FIP1L1: variants seen among roughly 807,000 people sequenced by gnomAD.
FIP1L1 encodes factor interacting with PAPOLA and CPSF1.
Under a neutral mutation model 84.6 loss-of-function variants are expected in FIP1L1, and 21 were observed. The ratio of observed to expected loss-of-function variants is 0.25; its 90% CI spans 0.18 to 0.36. The LOEUF (loss-of-function observed/expected upper bound fraction) is 0.36. Among genes scored for constraint, FIP1L1 ranks in the 10% least tolerant of loss-of-function variants. The pLI, the probability that FIP1L1 is intolerant of heterozygous loss-of-function variation, is 1.00. For synonymous variants in FIP1L1, 263 were observed against 242.3 expected, an observed-to-expected ratio of 1.09 and a Z score of -0.80; for missense variants, 526 against 751.1, an observed-to-expected ratio of 0.70 and a Z score of 3.50.
chr4:53,420,152 C>G (rs1203978963), intron 11 of FIP1L1, among the ~76,000 whole-genome samples: 3 of 132,274 alleles, frequency 2.3e-5, no homozygotes, highest in Non-Finnish European at 1.6e-5. Flanking sequence ...GAGCTGAGAT[C>G]GCGCCACTGC....
chr4:53,412,421 G>A (rs1757640722), intron 10 of FIP1L1, among the ~76,000 whole-genome samples: 1 of 152,098 alleles, frequency 6.6e-6, no homozygotes, highest in South Asian at 2.1e-4. Flanking sequence ...ACTTAATCCA[G>A]TGTCACGCGT....
chr4:53,405,370 C>A (rs1048381828), intron 10 of FIP1L1, among the ~76,000 whole-genome samples: 3 of 152,110 alleles, frequency 2.0e-5, no homozygotes, highest in Non-Finnish European at 2.9e-5. Context: ...TGGTCTATAT[C>A]TCTGTTTTGG....
intron 13 of FIP1L1, among the ~76,000 whole-genome samples, chr4:53,436,380 A>G (rs1217283350): frequency 6.6e-6 from 1 of 152,128 alleles, no homozygotes; most frequent in Non-Finnish European, 1.5e-5. Context: ...GTTTTTTTCT[A>G]GGCTGTTGCA....
At chr4:53,455,739 G>T (rs1473464942) in intron 16 of FIP1L1, among the ~76,000 whole-genome samples, 1 of 151,966 alleles carries the variant, frequency 6.6e-6, no homozygotes, top group East Asian at 1.9e-4. Flanking sequence ...CATTTTCCGT[G>T]AACTTTTTGA....
chr4:53,408,846 C>A (rs1755370693), intron 10 of FIP1L1, among the ~76,000 whole-genome samples: 1 of 152,202 alleles, frequency 6.6e-6, no homozygotes, highest in Admixed American at 6.5e-5. Context: ...TCAGCTCTGT[C>A]AGCTCCTTTA....
chr4:53,440,547 A>C (rs1771447420), intron 13 of FIP1L1: 1 of 1,377,528 alleles, frequency 7.3e-7, no homozygotes, highest in Non-Finnish European at 1.0e-6. Flanking sequence ...TCTGAAATCC[A>C]ATTACTATAT....
At chr4:53,429,244 G>A (rs1765556530) in intron 13 of FIP1L1, among the ~76,000 whole-genome samples, 1 of 152,212 alleles carries the variant, frequency 6.6e-6, no homozygotes. Context: ...GCTTTAGAGG[G>A]TCTGTTGTCT....
At position 53,391,505 on chromosome 4, in the gene FIP1L1, T is replaced by A. The variant is rs1744230542; in HGVS notation, c.705+7T>A. 1 of 1,604,346 alleles carries A rather than the reference T, an allele frequency of 6.2e-7. No homozygotes were observed. Among genetic ancestry groups the A allele is most frequent in the Non-Finnish European group, 8.5e-7 (1 of 1,171,514 alleles). On this transcript the variant is annotated splice_region_variant and intron_variant, in intron 9 of 17. Coordinates refer to ENST00000337488, the MANE Select transcript of FIP1L1 (RefSeq NM_030917.4). ...CAGATTCAATCTTTTTAAGGTGAAT[T>A]TTAGTAAATTATCCTTGGTTGCTCT...
chr4:53,425,864 T>C lies in FIP1L1; in HGVS notation c.924-8T>C, dbSNP rs1764134514. The C allele has an allele frequency of 4.4e-6, 7 of 1,599,186 alleles. No homozygotes were observed. Among genetic ancestry groups the C allele is most frequent in the African/African-American group, 2.7e-5 (2 of 74,502 alleles). On this transcript the variant is annotated splice_polypyrimidine_tract_variant and splice_region_variant and intron_variant, in intron 11 of 17. Transcript: ENST00000337488. ...TGAAACTGAATTGATTCAATTTTTATGTTACAGGAGATTACCTGGGGCAAT... is the reference window on the plus strand; with the variant it reads ...TGAAACTGAATTGATTCAATTTTTACGTTACAGGAGATTACCTGGGGCAAT...
chr4:53,391,112 A>G lies in FIP1L1; in HGVS notation c.609A>G (p.Pro203=). The stretch of plus-strand genomic sequence containing the variant: ...TACGAATGGGACTTGAAGTTATACC[A>G]GTAACCTCTACTACAAATAAAATTA... The part of the protein sequence containing the change: ...KRIRMGLEVI[P]VTSTTNKITA... Residue 203 remains proline (P), a synonymous_variant, in exon 8 of 18, where the codon CCA becomes CCG. Transcript: ENST00000337488. 6.2e-7 allele frequency: 1 copy of G among 1,609,860 alleles called. No homozygotes were observed. Among genetic ancestry groups the G allele is most frequent in the Non-Finnish European group, 8.5e-7 (1 of 1,178,626 alleles).
At chr4:53,414,935 A>T (rs1264284139) in intron 11 of FIP1L1, among the ~76,000 whole-genome samples, 1 of 152,140 alleles carries the variant, frequency 6.6e-6, no homozygotes, top group Admixed American at 6.5e-5. Context: ...TATAATATTT[A>T]ATGAATTATA....
At chr4:53,379,574 TA>T (rs1436232710) in intron 3 of FIP1L1, among the ~76,000 whole-genome samples, 1 of 152,238 alleles carries the variant, frequency 6.6e-6, no homozygotes, top group Non-Finnish European at 1.5e-5. Context: ...AAGCTACTGA[TA>T]AAAATATTTT....
chr4:53,404,635 A>G (rs1752204736), intron 10 of FIP1L1, among the ~76,000 whole-genome samples: 1 of 151,572 alleles, frequency 6.6e-6, no homozygotes, highest in Non-Finnish European at 1.5e-5. Flanking sequence ...CCAACAGTGT[A>G]AAAGTGTTCC....
chr4:53,457,335 G>A (rs1367186192), intron 16 of FIP1L1, among the ~76,000 whole-genome samples: 1 of 152,124 alleles, frequency 6.6e-6, no homozygotes, highest in South Asian at 2.1e-4. Flanking sequence ...TACTTTTCAG[G>A]TGACATGCCT....
rs573611370 is a variant in FIP1L1 at position 53,377,936 on chromosome 4, C to T, written c.85+13C>T. ...TGGCTCTATGGCGGTACGAAACTTCCTGTCTCTGTCTCTCGGGTTCTCTCA... is the reference window on the plus strand; with the variant it reads ...TGGCTCTATGGCGGTACGAAACTTCTTGTCTCTGTCTCTCGGGTTCTCTCA... On this transcript the variant is annotated intron_variant, in intron 1 of 17. Coordinates refer to ENST00000337488, the MANE Select transcript of FIP1L1 (RefSeq NM_030917.4). The T allele has an allele frequency of 3.2e-6, 5 of 1,568,542 alleles. No homozygotes were observed. In the Admixed American group the frequency reaches 7.3e-5, roughly 23 times the overall value.
chr4:53,421,438 A>G (rs1762375758), intron 11 of FIP1L1, among the ~76,000 whole-genome samples: 1 of 152,136 alleles, frequency 6.6e-6, no homozygotes, highest in Non-Finnish European at 1.5e-5. Context: ...TCCATCTGAA[A>G]TGTTCTATCT....
At chr4:53,396,525 C>T (rs1747446419) in intron 9 of FIP1L1, among the ~76,000 whole-genome samples, 2 of 152,146 alleles carry the variant, frequency 1.3e-5, no homozygotes, top group South Asian at 4.1e-4. Flanking sequence ...CTTGCCTCAG[C>T]CTCCCGAGTA....
At chr4:53,388,587 G>A (rs541409217) in intron 5 of FIP1L1, among the ~76,000 whole-genome samples, 8 of 152,132 alleles carry the variant, frequency 5.3e-5, no homozygotes, top group Admixed American at 3.3e-4. Flanking sequence ...CACCCGCCTC[G>A]GCCTCCCAAA....
At chr4:53,442,533 C>T (rs986282403) in intron 13 of FIP1L1, 120 bp from the exon 14 acceptor site, 2 of 663,118 alleles carry the variant, frequency 3.0e-6, no homozygotes, top group African/African-American at 1.8e-5. Context: ...TCCATTATTA[C>T]AACATAGAGA....
Sources: allele counts gnomAD v4.1 joint callset (sites outside exome capture counted in the v4.1 genomes callset), GRCh38; gene constraint gnomAD v4.1.1; transcripts MANE v1.5; gene names NCBI Gene and HGNC (gene_info 2026-07-23, HGNC 2026-07-21).